The following ROBO2 variants were observed in gnomAD, a reference collection of about 807,000 sequenced individuals.
ROBO2 encodes roundabout homolog 2.
In ROBO2, 53 loss-of-function variants were observed where a neutral mutation model predicts 160.8. The ratio of observed to expected loss-of-function variants is 0.33; its 90% confidence interval spans 0.26 to 0.41. ROBO2 has a LOEUF of 0.41. ROBO2 is among the 10% of genes least tolerant of loss of function. The pLI, the probability that ROBO2 is intolerant of heterozygous loss-of-function variation, is 1.00. For missense variants in ROBO2, 1,577 were observed against 1,722.4 expected (o/e 0.92, Z 1.49); for synonymous variants, 664 against 611.7 (o/e 1.09, Z -1.26).
At chr3:76,399,390 G>T (rs2077681285) in intron 2 of ROBO2, among the ~76,000 whole-genome samples, 2 of 151,636 alleles carry the variant, frequency 1.3e-5, no homozygotes, top group Admixed American at 1.3e-4. Flanking sequence ...ACATAGGACT[G>T]CAGAGTTTAA....
intron 2 of ROBO2, among the ~76,000 whole-genome samples, chr3:77,246,535 A>G (rs1482711459): frequency 6.6e-6 from 1 of 152,146 alleles, no homozygotes; most frequent in African/African-American, 2.4e-5. Flanking sequence ...TTGAGCCACT[A>G]TGGAGCAAAC....
intron 2 of ROBO2, among the ~76,000 whole-genome samples, chr3:76,268,865 T>C (rs1707255159): frequency 6.6e-6 from 1 of 152,140 alleles, no homozygotes; most frequent in African/African-American, 2.4e-5. Flanking sequence ...AATCATGTAT[T>C]GAGTATAGAC....
intron 5 of ROBO2, among the ~76,000 whole-genome samples, chr3:77,514,030 A>G (rs544968963): frequency 5.9e-5 from 9 of 151,758 alleles, no homozygotes; most frequent in Non-Finnish European, 1.2e-4. Flanking sequence ...TTTCCTCATC[A>G]GTAATGTTTT....
intron 2 of ROBO2, among the ~76,000 whole-genome samples, chr3:76,365,324 T>C (rs2075753353): frequency 6.6e-6 from 1 of 152,118 alleles, no homozygotes; most frequent in Non-Finnish European, 1.5e-5. Context: ...TCCCTGTTCA[T>C]AGTAAACTGT....
At chr3:76,304,462 G>A (rs1197104210) in intron 2 of ROBO2, among the ~76,000 whole-genome samples, 2 of 152,130 alleles carry the variant, frequency 1.3e-5, no homozygotes, top group African/African-American at 4.8e-5. Context: ...TTGATCTTTG[G>A]TCTTTCAAGA....
rs143872800 is a variant in ROBO2, at chr3:76,767,406, CTCT to C, written c.110-330603_110-330601del. The stretch of plus-strand genomic sequence containing the variant: ...AAGCAATTAATTTGTCTACTTATAT[CTCT>C]TCTTGTTCGAAGAACGATTTAAAGT... On this transcript the variant is annotated intron_variant, in intron 2 of 26. Coordinates refer to the ROBO2 transcript ENST00000487694. Among the ~76,000 whole-genome samples, 6 of 151,688 alleles carry C rather than the reference CTCT, an allele frequency of 4.0e-5. No individual in the cohort carries two copies. The East Asian group carries it at 1.2e-3, about 30-fold the overall frequency.
At chr3:76,721,492 A>T (rs2093466484) in intron 2 of ROBO2, among the ~76,000 whole-genome samples, 1 of 152,140 alleles carries the variant, frequency 6.6e-6, no homozygotes, top group Non-Finnish European at 1.5e-5. Context: ...ACTATACTAC[A>T]TTCCTCTCTG....
At chr3:76,089,631 C>G (rs1033320295) in intron 2 of ROBO2, among the ~76,000 whole-genome samples, 1 of 151,862 alleles carries the variant, frequency 6.6e-6, no homozygotes, top group Non-Finnish European at 1.5e-5. Context: ...AATCAAACAC[C>G]CATTCATGAT....
intron 2 of ROBO2, among the ~76,000 whole-genome samples, chr3:76,386,267 A>G (rs940934480): frequency 2.0e-5 from 3 of 151,934 alleles, no homozygotes; most frequent in African/African-American, 4.8e-5. Context: ...TATCTTACCA[A>G]TGCAAACTAG....
intron 2 of ROBO2, among the ~76,000 whole-genome samples, chr3:76,668,422 C>G (rs1480492221): frequency 6.6e-6 from 1 of 152,058 alleles, no homozygotes; most frequent in Non-Finnish European, 1.5e-5. Flanking sequence ...AGAGGCCAAT[C>G]AGGTATCTTA....
chr3:77,645,947 A>T, intron 25 of ROBO2, 107 bp from the exon 28 acceptor site: 1 of 703,592 alleles, frequency 1.4e-6, no homozygotes. Flanking sequence ...ATCTATCTGA[A>T]GACCTTATTT....
chr3:76,315,889 C>T (rs1332787126), intron 2 of ROBO2, among the ~76,000 whole-genome samples: 3 of 152,222 alleles, frequency 2.0e-5, no homozygotes, highest in Non-Finnish European at 2.9e-5. Context: ...CCCTAAGTGT[C>T]GGCCGGTCTG....
intron 23 of ROBO2, among the ~76,000 whole-genome samples, chr3:77,628,652 TA>T (rs2095088885): frequency 6.6e-6 from 1 of 152,170 alleles, no homozygotes; most frequent in African/African-American, 2.4e-5. Flanking sequence ...ATATTTACCA[TA>T]AATATGCCCA....
intron 2 of ROBO2, among the ~76,000 whole-genome samples, chr3:76,328,359 C>G (rs1160124092): frequency 1.3e-5 from 2 of 152,184 alleles, no homozygotes. Flanking sequence ...AATTTGATAA[C>G]AATTCAACGT....
intron 5 of ROBO2, among the ~76,000 whole-genome samples, chr3:77,495,288 A>T (rs1426370677): frequency 1.3e-5 from 2 of 152,224 alleles, no homozygotes; most frequent in Admixed American, 1.3e-4. Flanking sequence ...TTTGATTTAT[A>T]GGAAAGTTAC....
At chr3:76,363,180 CTG>C (rs1215179833) in intron 2 of ROBO2, among the ~76,000 whole-genome samples, 1 of 151,858 alleles carries the variant, frequency 6.6e-6, no homozygotes, top group Non-Finnish European at 1.5e-5. Context: ...TTTGTCTCAC[CTG>C]CCAGCTAACA....
At chr3:76,233,139 T>C (rs1704723112) in intron 2 of ROBO2, among the ~76,000 whole-genome samples, 1 of 152,104 alleles carries the variant, frequency 6.6e-6, no homozygotes, top group Admixed American at 6.6e-5. Context: ...GGTGTTATTC[T>C]ATTTTTTTTT....
At chr3:76,278,573 A>G (rs557378666) in intron 2 of ROBO2, among the ~76,000 whole-genome samples, 1 of 152,118 alleles carries the variant, frequency 6.6e-6, no homozygotes, top group Non-Finnish European at 1.5e-5. Flanking sequence ...AAATAACAGA[A>G]CACTAAGAGA....
chr3:76,965,197 C>A (rs989456583), intron 2 of ROBO2, among the ~76,000 whole-genome samples: 1 of 152,186 alleles, frequency 6.6e-6, no homozygotes, highest in African/African-American at 2.4e-5. Context: ...TAAAGCCGCT[C>A]ATCTTCTGCA....
Sources: gnomAD v4.1 joint callset for allele counts (sites outside exome capture counted in the v4.1 genomes callset) on GRCh38, gnomAD v4.1.1 for gene constraint, MANE v1.5 for transcripts, NCBI Gene and HGNC (gene_info 2026-07-23, HGNC 2026-07-21) for gene names.